The following LMBR1 variants were observed in gnomAD, a reference collection of about 807,000 sequenced individuals.
LMBR1 encodes limb region 1 protein homolog.
In LMBR1, 52 loss-of-function variants were observed where a neutral mutation model predicts 73.9. The ratio of observed to expected loss-of-function variants is 0.70; its 90% CI spans 0.56 to 0.89. LMBR1 has a LOEUF of 0.89. Ranked by LOEUF, LMBR1 falls within the 40% of genes least tolerant of loss-of-function variation. LMBR1 has a pLI of 0.00. For missense variants in LMBR1, 539 were observed against 579.8 expected (o/e 0.93, Z 0.72); for synonymous variants, 215 against 209.4 (o/e 1.03, Z -0.23).
intron 1 of LMBR1, among the ~76,000 whole-genome samples, chr7:156,874,691 A>T (rs1257238845): frequency 2.0e-5 from 3 of 152,162 alleles, no homozygotes; most frequent in Non-Finnish European, 2.9e-5. Context: ...TCCAAAAGAG[A>T]GATAACAATC....
chr7:156,799,989 A>G (rs1830666611), intron 4 of LMBR1, among the ~76,000 whole-genome samples: 1 of 152,224 alleles, frequency 6.6e-6, no homozygotes, highest in Non-Finnish European at 1.5e-5. Context: ...GGAAGCTCCA[A>G]AAGAAAAGTC....
At chr7:156,693,912 C>A (rs1291517817) in intron 15 of LMBR1, among the ~76,000 whole-genome samples, 1 of 152,156 alleles carries the variant, frequency 6.6e-6, no homozygotes, top group African/African-American at 2.4e-5. Flanking sequence ...AGCTAGCAAA[C>A]CTAACTCAAC....
chr7:156,839,730 G>A (rs549528795), intron 1 of LMBR1, among the ~76,000 whole-genome samples: 2 of 152,282 alleles, frequency 1.3e-5, no homozygotes, highest in African/African-American at 2.4e-5. Flanking sequence ...CAATACACAA[G>A]GGAGAGAAAC....
intron 1 of LMBR1, among the ~76,000 whole-genome samples, chr7:156,874,726 C>T (rs779604105): frequency 1.3e-5 from 2 of 152,158 alleles, no homozygotes; most frequent in Non-Finnish European, 2.9e-5. Context: ...CTCAGGAAGC[C>T]ACATCCTTAG....
intron 1 of LMBR1, among the ~76,000 whole-genome samples, chr7:156,891,874 C>G (rs1374800920): frequency 6.6e-6 from 1 of 152,170 alleles, no homozygotes; most frequent in Non-Finnish European, 1.5e-5. Context: ...AGTATGACTT[C>G]CAAAGTGATT....
chr7:156,730,686 C>T (rs1466140022), intron 10 of LMBR1, among the ~76,000 whole-genome samples: 1 of 152,206 alleles, frequency 6.6e-6, no homozygotes, highest in Non-Finnish European at 1.5e-5. Flanking sequence ...CGCCTGTAAT[C>T]CCAGGACTTG....
chr7:156,715,580 C>G (rs1170244207), intron 15 of LMBR1, among the ~76,000 whole-genome samples: 3 of 152,050 alleles, frequency 2.0e-5, no homozygotes, highest in African/African-American at 7.2e-5. Flanking sequence ...ACTACCCATC[C>G]CCAGAATTCT....
downstream of LMBR1, chr7:156,676,413 C>T (rs1804054491): frequency 1.9e-6 from 3 of 1,614,062 alleles, no homozygotes; most frequent in Non-Finnish European, 2.5e-6. Context: ...GTCCTGTGTG[C>T]CGCAGGCTCT....
In LMBR1 at chr7:156,800,482, C is replaced by CAAA. The variant is rs1245017996; in HGVS notation, c.320-3993_320-3991dup. Among the ~76,000 whole-genome samples, 70 of 81,030 alleles carry CAAA rather than the reference C, an allele frequency of 8.6e-4. 1 individual carries two copies. Among genetic ancestry groups the CAAA allele is most frequent in the African/African-American group, 2.2e-3 (46 of 20,518 alleles). 53.2% of individuals were successfully genotyped at this position (81,030 alleles called of 152,430 possible). On this transcript the variant is annotated intron_variant, in intron 4 of 16. Coordinates refer to ENST00000353442, the MANE Select transcript of LMBR1 (RefSeq NM_022458.4). ...AAGCCTACTGTTAAGACTTGCTACT[C>CAAA]AAAAAAAAAAAAAAAAAAGATTTTC...
chr7:156,703,404 C>G (rs1810223595), intron 15 of LMBR1, among the ~76,000 whole-genome samples: 1 of 152,192 alleles, frequency 6.6e-6, no homozygotes, highest in South Asian at 2.1e-4. Context: ...AGAGTTGCCT[C>G]AGAGGCCAGG....
intron 5 of LMBR1, among the ~76,000 whole-genome samples, chr7:156,775,922 A>G (rs573626580): frequency 9.5e-4 from 145 of 152,078 alleles, no homozygotes; most frequent in African/African-American, 3.3e-3. Context: ...TGTTTCCACT[A>G]CTGTATAACC....
At chr7:156,880,192 T>C (rs946763522) in intron 1 of LMBR1, among the ~76,000 whole-genome samples, 2 of 152,186 alleles carry the variant, frequency 1.3e-5, no homozygotes, top group Non-Finnish European at 2.9e-5. Flanking sequence ...ATAATGGCAT[T>C]CACAACAACC....
chr7:156,884,431 G>A (rs1801568254), intron 1 of LMBR1, among the ~76,000 whole-genome samples: 1 of 151,408 alleles, frequency 6.6e-6, no homozygotes, highest in Non-Finnish European at 1.5e-5. Context: ...TCACAGAAAT[G>A]ACCAACTCTC....
intron 1 of LMBR1, among the ~76,000 whole-genome samples, chr7:156,852,684 T>C (rs1463444047): frequency 6.6e-6 from 1 of 152,180 alleles, no homozygotes; most frequent in African/African-American, 2.4e-5. Context: ...AGGAGACATG[T>C]TGCAATGTCT....
intron 1 of LMBR1, among the ~76,000 whole-genome samples, chr7:156,872,699 G>A (rs1563588944): frequency 6.6e-6 from 1 of 151,594 alleles, no homozygotes; most frequent in Non-Finnish European, 1.5e-5. Context: ...TGAAAGACCT[G>A]TATCCTGAAA....
At chr7:156,880,399 A>G (rs924053358) in intron 1 of LMBR1, among the ~76,000 whole-genome samples, 1 of 152,138 alleles carries the variant, frequency 6.6e-6, no homozygotes, top group African/African-American at 2.4e-5. Flanking sequence ...GATTCAGTGT[A>G]TACTGCTTGT....
At position 156,763,236 on chromosome 7, in the gene LMBR1, AGTCT is replaced by A. The variant is rs541701821; in HGVS notation, c.551-64_551-61del. The A allele has an allele frequency of 1.1e-5, 8 of 707,220 alleles. No homozygotes were observed. The Admixed American group carries it at 1.6e-4, about 15-fold the overall frequency. The allele number at this position is 707,220 out of a possible 1,614,324, so 43.8% of individuals were successfully genotyped here. The stretch of plus-strand genomic sequence containing the variant: ...CAAAATACTGCACATTAAGATAGTC[AGTCT>A]ATCTTACGATAAGATAGAGGCTGAC... On this transcript the variant is annotated intron_variant, in intron 6 of 16. Coordinates refer to ENST00000353442, the MANE Select transcript of LMBR1 (RefSeq NM_022458.4).
chr7:156,858,089 A>G (rs1042827670), intron 1 of LMBR1, among the ~76,000 whole-genome samples: 7 of 150,492 alleles, frequency 4.7e-5, no homozygotes, highest in African/African-American at 1.7e-4. Context: ...AAAAAAAAAA[A>G]GTTTAAAAAA....
chr7:156,881,320 T>A (rs188184396), intron 1 of LMBR1, among the ~76,000 whole-genome samples: 1 of 152,134 alleles, frequency 6.6e-6, no homozygotes, highest in Non-Finnish European at 1.5e-5. Context: ...TCTTACACCA[T>A]ACACAAAAAT....
Sources: gnomAD v4.1 joint callset for allele counts (sites outside exome capture counted in the v4.1 genomes callset) on GRCh38, gnomAD v4.1.1 for gene constraint, MANE v1.5 for transcripts, NCBI Gene and HGNC (gene_info 2026-07-23, HGNC 2026-07-21) for gene names.